Variants in UGT2B17 observed in about 807,000 individuals in gnomAD.
The protein encoded by UGT2B17 is UDP glucuronosyltransferase family 2 member B17.
A neutral mutation model predicts 48.2 loss-of-function variants in UGT2B17; 21 were observed. The observed-to-expected ratio is 0.44, with a 90% confidence interval of 0.31 to 0.63. UGT2B17 has a LOEUF of 0.63. UGT2B17 is among the 20% of genes least tolerant of loss of function. UGT2B17 has a pLI of 0.08. For missense variants in UGT2B17, 402 were observed against 696.1 expected (o/e 0.58, Z 4.75); for synonymous variants, 146 against 238.4 (o/e 0.61, Z 3.57).
intron 6 of UGT2B17, among the ~76,000 whole-genome samples, chr4:68,545,364 C>A (rs1365446436): frequency 1.6e-5 from 2 of 125,728 alleles, no homozygotes; most frequent in Non-Finnish European, 3.4e-5. Flanking sequence ...TAAAGATGTT[C>A]TTTGAAACCA....
intron 6 of UGT2B17, among the ~76,000 whole-genome samples, chr4:68,548,384 G>T (rs59899293): frequency 8.2e-6 from 1 of 122,522 alleles, no homozygotes; most frequent in Non-Finnish European, 1.7e-5. Flanking sequence ...ATGAGAACAC[G>T]AGGACACAGG....
chr4:68,575,576 C>T (rs1486995572), intron 1 of UGT2B17, among the ~76,000 whole-genome samples: 1 of 125,678 alleles, frequency 8.0e-6, no homozygotes, highest in African/African-American at 2.7e-5. Context: ...AAACACCATG[C>T]TCACAGCACA....
chr4:68,543,039 G>A (rs1372643255), intron 6 of UGT2B17, among the ~76,000 whole-genome samples: 1 of 126,646 alleles, frequency 7.9e-6, no homozygotes, highest in Non-Finnish European at 1.7e-5. Flanking sequence ...ACAAAAGGCA[G>A]CAGAAACCTC....
chr4:68,550,203 T>A lies in UGT2B17; in HGVS notation c.1313+474A>T, dbSNP rs1274016005. 6.4e-5 allele frequency among the ~76,000 whole-genome samples: 8 copies of A among 125,014 alleles called. 1 individual carries two copies. The highest frequency in any genetic ancestry group is 1.7e-4 in the Admixed American group (2 of 12,098). 82.0% of individuals were successfully genotyped at this position (125,014 alleles called of 152,430 possible). ...TTAGGGTTGTGGCTTCGTAACTATG[T>A]AAACATACTAAATATATTTAGATTT... On this transcript the variant is annotated intron_variant, in intron 6 of 6. Transcript: ENST00000317746.
chr4:68,552,135 TC>T (rs1730927390), intron 4 of UGT2B17, among the ~76,000 whole-genome samples: 1 of 126,508 alleles, frequency 7.9e-6, no homozygotes, highest in Non-Finnish European at 1.7e-5. Context: ...AAATGACATT[TC>T]TAACTTAATA....
At chr4:68,562,768 C>A (rs1300397046) in intron 3 of UGT2B17, among the ~76,000 whole-genome samples, 1 of 126,042 alleles carries the variant, frequency 7.9e-6, no homozygotes, top group Non-Finnish European at 1.7e-5. Flanking sequence ...GGTTTTAATT[C>A]TATTTATATA....
At chr4:68,562,408 C>A (rs1177683557) in intron 3 of UGT2B17, among the ~76,000 whole-genome samples, 1 of 126,148 alleles carries the variant, frequency 7.9e-6, no homozygotes, top group Non-Finnish European at 1.7e-5. Flanking sequence ...CCACTGTGCC[C>A]GGTCTGATAT....
At chr4:68,546,227 T>A (rs7441559) in intron 6 of UGT2B17, among the ~76,000 whole-genome samples, 111,552 of 124,150 alleles carry the variant, frequency 0.9, 53,128 homozygotes, top group Non-Finnish European at 0.99. Flanking sequence ...CTTATCCACC[T>A]TGACCAAGTG....
Position 68,566,117 on chromosome 4 carries a change from T to C in UGT2B17, c.725-397A>G, listed in dbSNP as rs1381370082. 2.5e-5 allele frequency among the ~76,000 whole-genome samples: 3 copies of C among 119,070 alleles called. 1 individual carries two copies. Among genetic ancestry groups the C allele is most frequent in the Non-Finnish European group, 5.2e-5 (3 of 58,062 alleles). The allele number at this position is 119,070 out of a possible 152,430, so 78.1% of individuals were successfully genotyped here. ...ATAAAATTAAACAATATTTAATATT[T>C]AATTTAATATTTAATATTTAATAGT... On this transcript the variant is annotated intron_variant, in intron 2 of 6. Transcript: ENST00000317746.
At position 68,564,273 on chromosome 4, in the gene UGT2B17, C is replaced by CATATATATATAT. The variant is rs199693880; in HGVS notation, c.873+1287_873+1298dup. 9.6e-5 allele frequency among the ~76,000 whole-genome samples: 9 copies of CATATATATATAT among 93,402 alleles called. 1 individual carries two copies. The highest frequency in any genetic ancestry group is 1.3e-4 in the Non-Finnish European group (7 of 52,324). 61.3% of individuals were successfully genotyped at this position (93,402 alleles called of 152,430 possible). ...TGTCCTTAATGGGTATATCAAATTTCATATATATATATATATATATATTTT... is the reference window on the plus strand; with the variant it reads ...TGTCCTTAATGGGTATATCAAATTTCATATATATATATATATATATATATATATATATATTTT... On this transcript the variant is annotated intron_variant, in intron 3 of 6. Transcript: ENST00000317746.
rs1189081298 is a variant in UGT2B17 at position 68,550,524 on chromosome 4, T to TA, written c.1313+152dup. ...GTGGGGTTGAAATGTAACTTTGAAA[T>TA]AATTGTCTGGTGGAAAATAAGAGCA... On this transcript the variant is annotated intron_variant, in intron 6 of 6. Coordinates refer to ENST00000317746, the MANE Select transcript of UGT2B17 (RefSeq NM_001077.4). Among the ~76,000 whole-genome samples, 13 of 125,822 alleles carry TA rather than the reference T, an allele frequency of 1.0e-4. 4 individuals carry two copies. The highest frequency in any genetic ancestry group is 7.6e-4 in the East Asian group (1 of 1,318). The allele number at this position is 125,822 out of a possible 152,430, so 82.5% of individuals were successfully genotyped here. A position where few individuals can be genotyped will look rare whatever the true frequency, so the allele number is the denominator to read the frequency against.
At chr4:68,552,740 T>C (rs1730938769) in intron 4 of UGT2B17, among the ~76,000 whole-genome samples, 1 of 125,926 alleles carries the variant, frequency 7.9e-6, no homozygotes, top group Non-Finnish European at 1.7e-5. Flanking sequence ...ATAAGACAAT[T>C]GGCTGAGGTC....
rs1276459775 is a variant in UGT2B17 at position 68,552,835 on chromosome 4, T to A, written c.1006-924A>T. ...TATTTTGCTGTACAACTCCTTTTTT[T>A]TTGTTTTTTATTTTTTTTTGGAGTT... is the stretch of plus-strand genomic sequence containing the variant. On this transcript the variant is annotated intron_variant, in intron 4 of 6. Coordinates refer to ENST00000317746, the MANE Select transcript of UGT2B17 (RefSeq NM_001077.4). Among the ~76,000 whole-genome samples, 8 of 125,666 alleles carry A rather than the reference T, an allele frequency of 6.4e-5. 2 individuals carry two copies. Among genetic ancestry groups the A allele is most frequent in the Admixed American group, 8.2e-5 (1 of 12,264 alleles). The allele number at this position is 125,666 out of a possible 152,430, so 82.4% of individuals were successfully genotyped here. A position where few individuals can be genotyped will look rare whatever the true frequency, so the allele number is the denominator to read the frequency against.
At position 68,558,555 on chromosome 4, in the gene UGT2B17, G is replaced by T. The variant is rs564366206; in HGVS notation, c.1005+1982C>A. 1.0e-4 allele frequency among the ~76,000 whole-genome samples: 13 copies of T among 125,552 alleles called. 4 individuals carry two copies. The highest frequency in any genetic ancestry group is 7.7e-4 in the East Asian group (1 of 1,306). The allele number at this position is 125,552 out of a possible 152,430, so 82.4% of individuals were successfully genotyped here. A position where few individuals can be genotyped will look rare whatever the true frequency, so the allele number is the denominator to read the frequency against. On this transcript the variant is annotated intron_variant, in intron 4 of 6. Coordinates refer to ENST00000317746, the MANE Select transcript of UGT2B17 (RefSeq NM_001077.4). ...TGGCCTATATTAATTTTAAAGGATTGTTCTTTTGTTTTTGTTTTTCTCACT... is the reference window on the plus strand; with the variant it reads ...TGGCCTATATTAATTTTAAAGGATTTTTCTTTTGTTTTTGTTTTTCTCACT...
rs1337948354 is a variant in UGT2B17 at position 68,561,062 on chromosome 4, A to T, written c.874-394T>A. The stretch of plus-strand genomic sequence containing the variant: ...CTATTTTTTTTTGTAGTTCTACTAA[A>T]TCTCTTGTGTTTATTTGGGGTCATT... On this transcript the variant is annotated intron_variant, in intron 3 of 6. Coordinates refer to ENST00000317746, the MANE Select transcript of UGT2B17 (RefSeq NM_001077.4). Among the ~76,000 whole-genome samples, 2 of 124,046 alleles carry T rather than the reference A, an allele frequency of 1.6e-5. 1 individual carries two copies. The highest frequency in any genetic ancestry group is 1.5e-3 in the East Asian group (2 of 1,304). 81.4% of individuals were successfully genotyped at this position (124,046 alleles called of 152,430 possible). A position where few individuals can be genotyped will look rare whatever the true frequency, so the allele number is the denominator to read the frequency against.
chr4:68,564,290 A>ATT (rs1413452406), intron 3 of UGT2B17, among the ~76,000 whole-genome samples: 2 of 89,660 alleles, frequency 2.2e-5, no homozygotes, highest in South Asian at 5.6e-4. Flanking sequence ...ATATATATAT[A>ATT]TATATTTTTT....
chr4:68,539,857 T>C lies in UGT2B17; in HGVS notation c.1314-1953A>G, dbSNP rs548245197. On this transcript the variant is annotated intron_variant, in intron 6 of 6. Coordinates refer to ENST00000317746, the MANE Select transcript of UGT2B17 (RefSeq NM_001077.4). ...TTGAGTATGACGGAGCGATCTTGGC[T>C]GACTGCAACTTACGTCTCCTGGGTT... Among the ~76,000 whole-genome samples the C allele has an allele frequency of 2.7e-4, 31 of 115,430 alleles. 9 individuals are homozygous for C. In the South Asian group the frequency reaches 8.3e-3, roughly 31 times the overall value. The allele number at this position is 115,430 out of a possible 152,430, so 75.7% of individuals were successfully genotyped here.
In UGT2B17 at chr4:68,563,246, G is replaced by A. The variant is rs138985656; in HGVS notation, c.873+2326C>T. ...AAATTTGTGGCAACAATTATTTTGT[G>A]TACAAAAGAATTAGAGAATCGGTTT... On this transcript the variant is annotated intron_variant, in intron 3 of 6. Coordinates refer to ENST00000317746, the MANE Select transcript of UGT2B17 (RefSeq NM_001077.4). 1.6e-5 allele frequency among the ~76,000 whole-genome samples: 2 copies of A among 126,800 alleles called. 1 individual carries two copies. Among genetic ancestry groups the A allele is most frequent in the South Asian group, 7.2e-4 (2 of 2,774 alleles). The allele number at this position is 126,800 out of a possible 152,430, so 83.2% of individuals were successfully genotyped here. A position where few individuals can be genotyped will look rare whatever the true frequency, so the allele number is the denominator to read the frequency against.
intron 6 of UGT2B17, among the ~76,000 whole-genome samples, chr4:68,545,902 T>C (rs1416361481): frequency 2.4e-5 from 3 of 125,590 alleles, no homozygotes; most frequent in Non-Finnish European, 5.1e-5. Flanking sequence ...AATAGACTAA[T>C]AACAGGCTCT....
Sources: allele counts gnomAD v4.1 joint callset (sites outside exome capture counted in the v4.1 genomes callset), GRCh38; gene constraint gnomAD v4.1.1; transcripts MANE v1.5; gene names NCBI Gene and HGNC (gene_info 2026-07-23, HGNC 2026-07-21).